The following TK2 variants were observed in gnomAD, a reference collection of about 807,000 sequenced individuals.
TK2 encodes the protein thymidine kinase 2, mitochondrial.
Under a neutral mutation model 41.9 loss-of-function variants are expected in TK2, and 35 were observed. That is an observed-to-expected ratio of 0.84 (90% CI 0.64 to 1.11). The LOEUF is 1.11. TK2 is among the 50% of genes least tolerant of loss of function. TK2 has a pLI of 0.00. For missense variants in TK2, 320 were observed against 351.1 expected, an observed-to-expected ratio of 0.91 and a Z score of 0.71; for synonymous variants, 128 against 129.1, an observed-to-expected ratio of 0.99 and a Z score of 0.06.
intron 6 of TK2, among the ~76,000 whole-genome samples, chr16:66,518,451 GC>G (rs1410288034): frequency 6.6e-6 from 1 of 152,148 alleles, no homozygotes; most frequent in Non-Finnish European, 1.5e-5. Flanking sequence ...GATCACTTGA[GC>G]CCAGGGGTTT....
chr16:66,547,920 C>T, intron 2 of TK2: 1 of 1,283,000 alleles, frequency 7.8e-7, no homozygotes, highest in Non-Finnish European at 1.0e-6. Context: ...AGGCCCAGCT[C>T]ACATCAATGC....
chr16:66,549,932 C>T lies in TK2; in HGVS notation c.124+6G>A. Reference sequence around the variant, plus strand: ...TCCTGGGAGGCGGGACCAAGACGCGCGTTACCGGGAGGCCAGGCCCGGCGC... The same window carrying T: ...TCCTGGGAGGCGGGACCAAGACGCGTGTTACCGGGAGGCCAGGCCCGGCGC... On this transcript the variant is annotated splice_donor_region_variant and intron_variant, in intron 1 of 9. Transcript: ENST00000544898. The T allele has an allele frequency of 7.4e-7, 1 of 1,354,228 alleles. No homozygotes were observed. The highest frequency in any genetic ancestry group is 9.4e-7 in the Non-Finnish European group (1 of 1,062,230). The allele number at this position is 1,354,228 out of a possible 1,614,324, so 83.9% of individuals were successfully genotyped here.
At chr16:66,519,458 C>T (rs537748601) in intron 6 of TK2, among the ~76,000 whole-genome samples, 11 of 152,240 alleles carry the variant, frequency 7.2e-5, no homozygotes, top group Non-Finnish European at 1.6e-4. Flanking sequence ...GGATTACAGG[C>T]ATGAGCCACT....
intron 5 of TK2, among the ~76,000 whole-genome samples, chr16:66,530,796 C>T (rs1338470466): frequency 6.6e-6 from 1 of 151,810 alleles, no homozygotes; most frequent in Non-Finnish European, 1.5e-5. Context: ...CAGCTCACTG[C>T]AACCTCCGCC....
chr16:66,542,528 G>T (rs1001530135), intron 2 of TK2, among the ~76,000 whole-genome samples: 1 of 152,172 alleles, frequency 6.6e-6, no homozygotes, highest in African/African-American at 2.4e-5. Context: ...CCTGAGAAGG[G>T]TAAGTCCTAA....
At chr16:66,519,041 A>C (rs1964700941) in intron 6 of TK2, among the ~76,000 whole-genome samples, 1 of 151,856 alleles carries the variant, frequency 6.6e-6, no homozygotes, top group Non-Finnish European at 1.5e-5. Flanking sequence ...GGCTCACTGC[A>C]AGCTCCGCCC....
rs886052197 is a variant in TK2, at chr16:66,510,228, A to AG, written c.*1739_*1740insC. On this transcript the variant is annotated 3_prime_UTR_variant, in exon 10 of 10. Coordinates refer to ENST00000544898, the MANE Select transcript of TK2 (RefSeq NM_004614.5). The stretch of plus-strand genomic sequence containing the variant: ...CCTTAGGCAAAAAAAAAAAAAAAAA[A>AG]AGAGAGAGAAATCACATTTCCCCAA... 1.6e-3 allele frequency: 236 copies of AG among 151,480 alleles called. No individual in the cohort carries two copies. Among genetic ancestry groups the AG allele is most frequent in the African/African-American group, 5.2e-3 (216 of 41,316 alleles). The allele number at this position is 151,480 out of a possible 1,614,324, so 9.4% of individuals were successfully genotyped here.
At chr16:66,548,331 C>T (rs953475218) in intron 2 of TK2, among the ~76,000 whole-genome samples, 3 of 152,192 alleles carry the variant, frequency 2.0e-5, no homozygotes, top group African/African-American at 4.8e-5. Flanking sequence ...CAAGCCACCC[C>T]CTTCCCAGCC....
intron 6 of TK2, 74 bp downstream of exon 6, chr16:66,528,920 C>T (rs1004220850): frequency 5.1e-5 from 73 of 1,425,162 alleles, no homozygotes; most frequent in Middle Eastern, 3.6e-4. Flanking sequence ...ATCTGTCAAT[C>T]GAATAAACAA....
intron 9 of TK2, 97 bp downstream of exon 9, chr16:66,513,634 A>C: frequency 9.1e-7 from 1 of 1,104,310 alleles, no homozygotes; most frequent in East Asian, 2.5e-5. Flanking sequence ...CAAACTCTAA[A>C]GGACTGTGCC....
rs377691170 is a variant in TK2 at position 66,513,674 on chromosome 16, C to T, written c.699+57G>A. On this transcript the variant is annotated intron_variant, in intron 9 of 9. Coordinates refer to ENST00000544898, the MANE Select transcript of TK2 (RefSeq NM_004614.5). ...CCTGTCTGCAAGGTGGCTGACATTC[C>T]CCGGGTCACTCCTCTTTCTAGAACA... The T allele has an allele frequency of 9.1e-5, 140 of 1,540,118 alleles. 1 individual carries two copies. In the Middle Eastern group the frequency reaches 9.4e-4, roughly 10 times the overall value.
At chr16:66,549,408 C>G (rs961394242) in intron 1 of TK2, 5 of 1,091,142 alleles carry the variant, frequency 4.6e-6, no homozygotes, top group Middle Eastern at 4.3e-4. Flanking sequence ...AGGCCCAGGG[C>G]GGGCATCGCT....
intron 4 of TK2, among the ~76,000 whole-genome samples, chr16:66,532,480 C>T (rs1377024207): frequency 2.0e-5 from 3 of 151,968 alleles, no homozygotes; most frequent in Non-Finnish European, 4.4e-5. Context: ...TGGCACGCAC[C>T]TGTGGTCCTA....
intron 2 of TK2, among the ~76,000 whole-genome samples, chr16:66,543,779 C>A (rs746229468): frequency 1.9e-4 from 29 of 152,264 alleles, no homozygotes; most frequent in Non-Finnish European, 3.5e-4. Context: ...TCCCCAGCAA[C>A]TAGAACTCTG....
chr16:66,513,507 T>C (rs571626226), intron 9 of TK2, among the ~76,000 whole-genome samples: 3 of 152,302 alleles, frequency 2.0e-5, no homozygotes, highest in Admixed American at 1.3e-4. Flanking sequence ...CCAGGTGTGA[T>C]GGCACTGGCA....
chr16:66,549,020 A>C lies in TK2; in HGVS notation c.125-11T>G. On this transcript the variant is annotated splice_polypyrimidine_tract_variant and intron_variant, in intron 1 of 9. Transcript: ENST00000544898. Reference sequence around the variant, plus strand: ...TTTCCTGTTCTTTATCTACAAAAGAAAGGAAATCAGTTTTTAAACTCACTT... The same window carrying C: ...TTTCCTGTTCTTTATCTACAAAAGACAGGAAATCAGTTTTTAAACTCACTT... The C allele has an allele frequency of 6.2e-7, 1 of 1,613,650 alleles. No homozygotes were observed. Among genetic ancestry groups the C allele is most frequent in the Non-Finnish European group, 8.5e-7 (1 of 1,179,676 alleles).
At chr16:66,513,008 T>G (rs1376359653) in intron 9 of TK2, among the ~76,000 whole-genome samples, 1 of 152,144 alleles carries the variant, frequency 6.6e-6, no homozygotes, top group Non-Finnish European at 1.5e-5. Flanking sequence ...ATGTTGTATA[T>G]GTAACCATCT....
intron 3 of TK2, among the ~76,000 whole-genome samples, chr16:66,539,621 A>G (rs200154575): frequency 7.8e-6 from 1 of 127,588 alleles, no homozygotes; most frequent in African/African-American, 3.3e-5. Flanking sequence ...AAAAAAAAAA[A>G]AAAGGAAGAA....
Position 66,513,747 on chromosome 16 carries a change from A to G in TK2, c.683T>C (p.Met228Thr), listed in dbSNP as rs755720235. The G allele has an allele frequency of 2.5e-6, 4 of 1,613,984 alleles. No homozygotes were observed. The highest frequency in any genetic ancestry group is 2.2e-5 in the East Asian group (1 of 44,862). Residue 228 changes from methionine (M) to threonine (T), a missense_variant, in exon 9 of 10, where the codon ATG becomes ACG. Physicochemically the swap from Met to Thr is moderately conservative, Grantham distance 81. Coordinates refer to ENST00000544898, the MANE Select transcript of TK2 (RefSeq NM_004614.5). ...EWLIKGSLFPMAAPVLVIEAD... is the reference protein window; with the variant it reads ...EWLIKGSLFPTAAPVLVIEAD... ...CTTACTTACCAGAACAGGGGCTGCCATGGGGAAAAGGCTGCCTTTGATGAG... is the reference window on the plus strand; with the variant it reads ...CTTACTTACCAGAACAGGGGCTGCCGTGGGGAAAAGGCTGCCTTTGATGAG...
Sources: gnomAD v4.1 joint callset for allele counts (sites outside exome capture counted in the v4.1 genomes callset) on GRCh38, gnomAD v4.1.1 for gene constraint, MANE v1.5 for transcripts, NCBI Gene and HGNC (gene_info 2026-07-23, HGNC 2026-07-21) for gene names.